PID1: variants seen among roughly 807,000 people sequenced by gnomAD.
The protein encoded by PID1 is phosphotyrosine interaction domain containing 1, also known as PTB-containing, cubilin and LRP1-interacting protein.
In PID1, 10 loss-of-function variants were observed where a neutral mutation model predicts 19.1. That is an observed-to-expected ratio of 0.52 (90% CI 0.32 to 0.89). The LOEUF is 0.89. PID1 is among the 40% of genes least tolerant of loss of function. The probability of loss-of-function intolerance (pLI) is 0.03; values close to 1 mark genes in which losing one functional copy is unlikely to be tolerated. For missense variants in PID1, 248 were observed against 285.3 expected (o/e 0.87, Z 0.94); for synonymous variants, 130 against 116.0 (o/e 1.12, Z -0.78).
chr2:229,171,969 T>C (rs912505155), intron 1 of PID1, among the ~76,000 whole-genome samples: 1 of 152,174 alleles, frequency 6.6e-6, no homozygotes, highest in Non-Finnish European at 1.5e-5. Context: ...AGATTAACAG[T>C]GGCCACACTG....
chr2:229,130,169 A>C (rs1689701427), intron 2 of PID1, among the ~76,000 whole-genome samples: 1 of 152,210 alleles, frequency 6.6e-6, no homozygotes, highest in African/African-American at 2.4e-5. Flanking sequence ...CTGGTGAATC[A>C]CAACTTTGAC....
intron 2 of PID1, among the ~76,000 whole-genome samples, chr2:229,139,033 AAGAAAG>A (rs761269758): frequency 0.02 from 1,275 of 64,834 alleles, 23 homozygotes; most frequent in South Asian, 0.036. Flanking sequence ...GAAAGAAAGA[AAGAAAG>A]AGAAAGAAAG....
intron 1 of PID1, among the ~76,000 whole-genome samples, chr2:229,171,817 C>T (rs568509899): frequency 6.6e-6 from 1 of 152,322 alleles, no homozygotes; most frequent in South Asian, 2.1e-4. Flanking sequence ...TCACTCCCTT[C>T]TGTTGCTTGA....
At chr2:229,251,169 TTAAAGTCC>T (rs1226885471) in intron 1 of PID1, among the ~76,000 whole-genome samples, 6 of 152,186 alleles carry the variant, frequency 3.9e-5, no homozygotes, top group African/African-American at 1.2e-4. Flanking sequence ...GAAAATGCAC[TTAAAGTCC>T]AAAAGCCACT....
intron 2 of PID1, among the ~76,000 whole-genome samples, chr2:229,072,381 G>C (rs766722847): frequency 9.2e-5 from 14 of 152,218 alleles, no homozygotes; most frequent in Middle Eastern, 3.4e-3. Context: ...GAGGTCAGGC[G>C]TTCAAGACCA....
chr2:229,246,413 A>G (rs1199436812), intron 1 of PID1, among the ~76,000 whole-genome samples: 1 of 152,202 alleles, frequency 6.6e-6, no homozygotes, highest in Non-Finnish European at 1.5e-5. Flanking sequence ...TTTCAGGCCC[A>G]TATTTCACTA....
At chr2:229,221,377 C>T (rs1304390502) in intron 1 of PID1, among the ~76,000 whole-genome samples, 1 of 152,212 alleles carries the variant, frequency 6.6e-6, no homozygotes, top group East Asian at 1.9e-4. Flanking sequence ...CCATGCTCCA[C>T]TGTAACCTGC....
chr2:229,074,835 G>A (rs1246441516), intron 2 of PID1, among the ~76,000 whole-genome samples: 1 of 152,070 alleles, frequency 6.6e-6, no homozygotes, highest in East Asian at 1.9e-4. Flanking sequence ...AGATTTCAAG[G>A]TGATTTGAGC....
At chr2:229,152,751 C>T (rs1690283984) in intron 2 of PID1, among the ~76,000 whole-genome samples, 1 of 151,880 alleles carries the variant, frequency 6.6e-6, no homozygotes, top group Non-Finnish European at 1.5e-5. Flanking sequence ...CCCGTCAGGA[C>T]CCACGGAGAA....
At chr2:229,267,033 C>T (rs991661525) in intron 1 of PID1, among the ~76,000 whole-genome samples, 5 of 151,350 alleles carry the variant, frequency 3.3e-5, no homozygotes, top group African/African-American at 1.2e-4. Context: ...AAATCTAGAA[C>T]GATCCACACT....
intron 1 of PID1, among the ~76,000 whole-genome samples, chr2:229,165,215 TAAC>T (rs1244726504): frequency 6.6e-6 from 1 of 152,108 alleles, no homozygotes; most frequent in Non-Finnish European, 1.5e-5. Flanking sequence ...TAACAGAATC[TAAC>T]AACAACAAAA....
At chr2:229,036,679 C>T (rs1236670634) in intron 2 of PID1, among the ~76,000 whole-genome samples, 2 of 152,060 alleles carry the variant, frequency 1.3e-5, no homozygotes, top group African/African-American at 4.8e-5. Flanking sequence ...ACCTGGGAGG[C>T]GGAGGTGGCC....
At chr2:229,227,765 A>C (rs1194426014) in intron 1 of PID1, among the ~76,000 whole-genome samples, 1 of 152,188 alleles carries the variant, frequency 6.6e-6, no homozygotes, top group Non-Finnish European at 1.5e-5. Context: ...GATCAAAAGT[A>C]CTGGGGAAAA....
At chr2:229,214,121 AGTGT>A (rs1359954394) in intron 1 of PID1, among the ~76,000 whole-genome samples, 1 of 152,174 alleles carries the variant, frequency 6.6e-6, no homozygotes, top group Non-Finnish European at 1.5e-5. Flanking sequence ...CCTTCTAAGT[AGTGT>A]TTGTTAGGTA....
chr2:229,060,831 TTGTGG>T (rs1020983126), intron 2 of PID1, among the ~76,000 whole-genome samples: 2 of 151,990 alleles, frequency 1.3e-5, no homozygotes, highest in African/African-American at 4.8e-5. Flanking sequence ...TTATATTTCA[TTGTGG>T]TTTTAATTTG....
chr2:229,182,046 T>G (rs1416718834), intron 1 of PID1, among the ~76,000 whole-genome samples: 3 of 151,874 alleles, frequency 2.0e-5, no homozygotes, highest in African/African-American at 4.8e-5. Context: ...TTGCCAGGGG[T>G]TTGAAGGGAG....
chr2:229,180,345 C>G (rs1690913595), intron 1 of PID1, among the ~76,000 whole-genome samples: 1 of 152,044 alleles, frequency 6.6e-6, no homozygotes, highest in Non-Finnish European at 1.5e-5. Flanking sequence ...GCATAGAAGA[C>G]ATTATTTGAT....
In PID1 at chr2:229,024,472, T is replaced by C. The variant is rs542173425; in HGVS notation, c.*1160A>G. On this transcript the variant is annotated 3_prime_UTR_variant, in exon 3 of 3. Coordinates refer to ENST00000392055, the MANE Select transcript of PID1 (RefSeq NM_001100818.2). ...TTTAGTGAGAACTTCCCATTCAAAA[T>C]AAAAAAAAAGGGCAATTCTGACCCT... 2.2e-4 allele frequency: 33 copies of C among 150,910 alleles called. No individual in the cohort carries two copies. The highest frequency in any genetic ancestry group is 7.3e-4 in the African/African-American group (30 of 41,016). 9.3% of individuals were successfully genotyped at this position (150,910 alleles called of 1,614,324 possible).
At chr2:229,254,599 C>T (rs1181877558) in intron 1 of PID1, among the ~76,000 whole-genome samples, 2 of 152,094 alleles carry the variant, frequency 1.3e-5, no homozygotes, top group East Asian at 1.9e-4. Flanking sequence ...AGTTTTAGGC[C>T]GAGTTATGAC....
Sources: allele counts gnomAD v4.1 joint callset (sites outside exome capture counted in the v4.1 genomes callset), GRCh38; gene constraint gnomAD v4.1.1; transcripts MANE v1.5; gene names NCBI Gene and HGNC (gene_info 2026-07-23, HGNC 2026-07-21).